Variants in CNEP1R1 observed in about 807,000 individuals in gnomAD.
CNEP1R1 encodes nuclear envelope phosphatase-regulatory subunit 1.
CNEP1R1 carries 10 observed loss-of-function variants against 22.7 expected under a neutral mutation model. The ratio of observed to expected loss-of-function variants is 0.44; its 90% confidence interval spans 0.27 to 0.75. CNEP1R1 has a LOEUF of 0.75. Ranked by LOEUF, CNEP1R1 falls within the 30% of genes least tolerant of loss-of-function variation. CNEP1R1 has a pLI of 0.17. For synonymous variants in CNEP1R1, 53 were observed against 50.1 expected (o/e 1.06, Z -0.25); for missense variants, 73 against 151.5 (o/e 0.48, Z 2.72).
intron 3 of CNEP1R1, among the ~76,000 whole-genome samples, chr16:50,030,553 A>G (rs2036222934): frequency 6.6e-6 from 1 of 152,262 alleles, no homozygotes; most frequent in African/African-American, 2.4e-5. Context: ...AACACACATG[A>G]TAAAATAGCA....
In CNEP1R1 at chr16:50,025,541, C is replaced by T; in HGVS notation, c.25+201C>T. The T allele has an allele frequency of 6.7e-6, 8 of 1,194,740 alleles. No homozygotes were observed. In the South Asian group the frequency reaches 6.8e-5, roughly 10 times the overall value. The allele number at this position is 1,194,740 out of a possible 1,614,324, so 74.0% of individuals were successfully genotyped here. A position where few individuals can be genotyped will look rare whatever the true frequency, so the allele number is the denominator to read the frequency against. On this transcript the variant is annotated intron_variant, in intron 1 of 5. Transcript: ENST00000427478. ...CCTCAGCTCCCTGAGTCCCCACAAACCTAGAGGGTCGACCTCCTCGCCAGC... is the reference window on the plus strand; with the variant it reads ...CCTCAGCTCCCTGAGTCCCCACAAATCTAGAGGGTCGACCTCCTCGCCAGC...
chr16:50,027,796 A>T (rs1348863525), intron 2 of CNEP1R1, among the ~76,000 whole-genome samples: 2 of 152,200 alleles, frequency 1.3e-5, no homozygotes, highest in African/African-American at 4.8e-5. Flanking sequence ...TGACCTAGAA[A>T]ATTCACATTA....
Position 50,029,768 on chromosome 16 carries a change from GA to G in CNEP1R1, c.143del (p.Asn48ThrfsTer3). Reference protein sequence around the residue: ...VSVCTATGAWNWLIDPETQKV... With the variant: ...VSVCTATGAWXWLIDPETQKV... ...CTGTCTGTACAGCTACTGGTGCCTG[GA>G]ACTGGTTAATAGACCCTGAGACACA... On this transcript the variant is annotated frameshift_variant, in exon 3 of 6. Transcript: ENST00000427478. LOFTEE classifies it high-confidence loss of function. The G allele has an allele frequency of 6.2e-7, 1 of 1,610,484 alleles. No homozygotes were observed.
intron 2 of CNEP1R1, among the ~76,000 whole-genome samples, chr16:50,028,200 A>T (rs547019556): frequency 6.6e-6 from 1 of 152,272 alleles, no homozygotes; most frequent in Admixed American, 6.5e-5. Flanking sequence ...ACCTCAGGTG[A>T]TCCTCCCATC....
intron 4 of CNEP1R1, 105 bp from the exon 5 acceptor site, chr16:50,033,997 C>T (rs1048715277): frequency 1.5e-5 from 12 of 777,360 alleles, no homozygotes; most frequent in Middle Eastern, 2.4e-4. Context: ...GTGATCCGAC[C>T]GCCTCGGCCT....
intron 4 of CNEP1R1, 35 bp downstream of exon 4, chr16:50,033,541 A>G (rs897419598): frequency 8.4e-7 from 1 of 1,189,822 alleles, no homozygotes; most frequent in Non-Finnish European, 1.2e-6. Flanking sequence ...CCATTCTCTG[A>G]AGTGCTTTGT....
rs1007182147 is a variant in CNEP1R1, at chr16:50,032,284, G to A, written c.172-1113G>A. ...TGTCTTCTCTGTGTCTCCAGTCAACGTTTCCATTTCGGTGCCTATTCTTAT... is the reference window on the plus strand; with the variant it reads ...TGTCTTCTCTGTGTCTCCAGTCAACATTTCCATTTCGGTGCCTATTCTTAT... On this transcript the variant is annotated intron_variant, in intron 3 of 5. Transcript: ENST00000427478. Among the ~76,000 whole-genome samples, 9 of 152,278 alleles carry A rather than the reference G, an allele frequency of 5.9e-5. No individual in the cohort carries two copies. In the Middle Eastern group the frequency reaches 0.01, roughly 173 times the overall value.
chr16:50,025,850 A>T (rs1238644427), intron 1 of CNEP1R1: 4 of 633,490 alleles, frequency 6.3e-6, no homozygotes, highest in African/African-American at 1.8e-5. Flanking sequence ...ACCCCTTCGG[A>T]GGGGGCAAGG....
chr16:50,033,424 C>T lies in CNEP1R1; in HGVS notation c.199C>T (p.His67Tyr). 1.3e-6 allele frequency: 2 copies of T among 1,596,164 alleles called. No homozygotes were observed. Among genetic ancestry groups the T allele is most frequent in the Non-Finnish European group, 1.7e-6 (2 of 1,164,974 alleles). The change falls in exon 4 of 6, where the codon CAC becomes TAC. Residue 67 changes from histidine (H) to tyrosine (Y), a missense_variant. His to Tyr is a moderately conservative substitution (Grantham distance 83). Coordinates refer to ENST00000427478, the MANE Select transcript of CNEP1R1 (RefSeq NM_001281789.2). ...GTCCTTCTTCACATCATTATGGAAT[C>T]ACCCATTTTTCACCATTAGCTGTAT... ...KVSFFTSLWN[H>Y]PFFTISCITL...
chr16:50,035,527 T>C lies in CNEP1R1; in HGVS notation c.*69T>C. 8.4e-7 allele frequency: 1 copy of C among 1,188,182 alleles called. No individual in the cohort carries two copies. The highest frequency in any genetic ancestry group is 1.2e-6 in the Non-Finnish European group (1 of 823,048). 73.6% of individuals were successfully genotyped at this position (1,188,182 alleles called of 1,614,324 possible). A position where few individuals can be genotyped will look rare whatever the true frequency, so the allele number is the denominator to read the frequency against. On this transcript the variant is annotated 3_prime_UTR_variant, in exon 6 of 6. Transcript: ENST00000427478. ...GAATAAGTGATACAGCAAAAAGCCA[T>C]AAAGGATTCCTTTTGCGGTTGGATA...
At chr16:50,028,665 T>G (rs542043696) in intron 2 of CNEP1R1, among the ~76,000 whole-genome samples, 1 of 152,348 alleles carries the variant, frequency 6.6e-6, no homozygotes, top group East Asian at 1.9e-4. Flanking sequence ...GTCTTAGCAC[T>G]TACTTGGTTA....
intron 3 of CNEP1R1, among the ~76,000 whole-genome samples, chr16:50,031,244 A>G (rs961799681): frequency 6.6e-6 from 1 of 152,236 alleles, no homozygotes; most frequent in African/African-American, 2.4e-5. Context: ...ATCAGTCTCC[A>G]TGGCAATTCA....
intron 3 of CNEP1R1, among the ~76,000 whole-genome samples, chr16:50,031,996 G>T (rs143841524): frequency 3.3e-5 from 5 of 152,312 alleles, no homozygotes; most frequent in Non-Finnish European, 5.9e-5. Flanking sequence ...TGAAGAAGAC[G>T]TTCTTCTGGA....
Position 50,025,328 on chromosome 16 carries a change from G to T in CNEP1R1, c.13G>T (p.Glu5Ter). 7.0e-7 allele frequency: 1 copy of T among 1,437,794 alleles called. No homozygotes were observed. Among genetic ancestry groups the T allele is most frequent in the Non-Finnish European group, 9.1e-7 (1 of 1,098,964 alleles). The allele number at this position is 1,437,794 out of a possible 1,614,324, so 89.1% of individuals were successfully genotyped here. A position where few individuals can be genotyped will look rare whatever the true frequency, so the allele number is the denominator to read the frequency against. Residue 5 changes from glutamate (E) to a stop codon, truncating the protein, a stop_gained, in exon 1 of 6, where the codon GAG (glutamate) becomes TAG (stop). Transcript: ENST00000427478. LOFTEE classifies it high-confidence loss of function. Reference sequence around the variant, plus strand: ...GCTGCCGCCCGACATGAACTCGCTGGAGCAGGCGGAAGGTAGGGTGGGCCG... The same window carrying T: ...GCTGCCGCCCGACATGAACTCGCTGTAGCAGGCGGAAGGTAGGGTGGGCCG... MNSL[E>*]QAEDLKAFER...
At chr16:50,031,142 G>A (rs1246209436) in intron 3 of CNEP1R1, among the ~76,000 whole-genome samples, 4 of 151,990 alleles carry the variant, frequency 2.6e-5, no homozygotes, top group African/African-American at 7.2e-5. Context: ...TCCCCTCCCC[G>A]CTTTAAGCTG....
chr16:50,025,580 T>G, intron 1 of CNEP1R1: 2 of 1,454,012 alleles, frequency 1.4e-6, no homozygotes, highest in Non-Finnish European at 1.9e-6. Context: ...TATTTTTATT[T>G]TCTTTTCACT....
intron 5 of CNEP1R1, chr16:50,034,464 T>C: frequency 2.9e-6 from 1 of 348,662 alleles, no homozygotes; most frequent in South Asian, 3.1e-5. Context: ...TTGTTTGTTA[T>C]TGACCAAAAA....
At position 50,036,812 on chromosome 16, in the gene CNEP1R1, T is replaced by G. The variant is rs2036283513; in HGVS notation, c.*1354T>G. The G allele has an allele frequency of 6.5e-6, 1 of 152,680 alleles. No individual in the cohort carries two copies. The highest frequency in any genetic ancestry group is 1.5e-5 in the Non-Finnish European group (1 of 68,044). The allele number at this position is 152,680 out of a possible 1,614,324, so 9.5% of individuals were successfully genotyped here. A position where few individuals can be genotyped will look rare whatever the true frequency, so the allele number is the denominator to read the frequency against. On this transcript the variant is annotated 3_prime_UTR_variant, in exon 6 of 6. Transcript: ENST00000427478. Reference sequence around the variant, plus strand: ...TTATTAGATTTTGAAAAGGTTTAAATTATTTCATGAGCAATCTTTTAAATT... The same window carrying G: ...TTATTAGATTTTGAAAAGGTTTAAAGTATTTCATGAGCAATCTTTTAAATT...
chr16:50,026,713 G>T (rs1390835455), intron 2 of CNEP1R1: 3 of 424,770 alleles, frequency 7.1e-6, no homozygotes, highest in South Asian at 2.6e-5. Context: ...CGTAGCTCAC[G>T]CCTGTAATCC....
Sources: allele counts gnomAD v4.1 joint callset (sites outside exome capture counted in the v4.1 genomes callset), GRCh38; gene constraint gnomAD v4.1.1; transcripts MANE v1.5; gene names NCBI Gene and HGNC (gene_info 2026-07-23, HGNC 2026-07-21).